Variants in MSRB2 observed in about 807,000 individuals in gnomAD.
MSRB2 encodes methionine-R-sulfoxide reductase B2, mitochondrial.
In MSRB2, 17 loss-of-function variants were observed where a neutral mutation model predicts 19.0. The observed-to-expected ratio is 0.89, with a 90% CI of 0.61 to 1.34. The LOEUF is 1.34. MSRB2 is among the 40% of genes most tolerant of loss of function. The pLI is 0.00. For missense variants in MSRB2, 208 were observed against 237.6 expected (o/e 0.88, Z 0.82); for synonymous variants, 107 against 99.7 (o/e 1.07, Z -0.44).
intron 2 of MSRB2, among the ~76,000 whole-genome samples, chr10:23,105,842 T>C (rs2147940): frequency 0.45 from 67,758 of 152,034 alleles, 15,894 homozygotes; most frequent in African/African-American, 0.61. Flanking sequence ...GCCAGCACAT[T>C]CCAATAAAGT....
At chr10:23,096,352 C>CTCTCTGTGTG (rs144653384) in intron 1 of MSRB2, among the ~76,000 whole-genome samples, 52 of 142,822 alleles carry the variant, frequency 3.6e-4, no homozygotes, top group African/African-American at 1.1e-3. Flanking sequence ...CTCTCTCTCT[C>CTCTCTGTGTG]TGTGTGTGTG....
At chr10:23,109,943 G>T (rs567919515) in intron 2 of MSRB2, among the ~76,000 whole-genome samples, 7 of 152,344 alleles carry the variant, frequency 4.6e-5, no homozygotes, top group African/African-American at 1.4e-4. Flanking sequence ...CAGAGGACAA[G>T]ACTCTGTTTT....
intron 3 of MSRB2, among the ~76,000 whole-genome samples, chr10:23,117,424 T>C (rs1840123543): frequency 6.6e-6 from 1 of 152,232 alleles, no homozygotes; most frequent in Admixed American, 6.5e-5. Context: ...TTGTCTTTTT[T>C]TTAAGCCGGA....
intron 1 of MSRB2, 127 bp downstream of exon 1, chr10:23,095,853 G>GCCCCC (rs1324882583): frequency 3.9e-6 from 2 of 508,450 alleles, no homozygotes; most frequent in African/African-American, 5.0e-5. Flanking sequence ...TCCTCGGCGC[G>GCCCCC]CCCCTCCCCC....
Position 23,104,209 on chromosome 10 carries a change from C to A in MSRB2, c.184C>A (p.Gln62Lys), listed in dbSNP as rs1839960485. 1 of 1,613,838 alleles carries A rather than the reference C, an allele frequency of 6.2e-7. No homozygotes were observed. The highest frequency in any genetic ancestry group is 1.3e-5 in the African/African-American group (1 of 74,916). Residue 62 changes from glutamine to lysine, a missense_variant, in exon 2 of 5, where the codon CAG becomes AAG. Gln to Lys is a moderately conservative substitution (Grantham distance 53, BLOSUM62 1). Transcript: ENST00000376510. ...GTGGCAAAAGAAACTAACCCCGGAG[C>A]AGTTCTACGTCACAAGAGAAAAGGG... is the stretch of plus-strand genomic sequence containing the variant. ...SEWQKKLTPEQFYVTREKGTE... is the reference protein window; with the variant it reads ...SEWQKKLTPEKFYVTREKGTE...
rs539866775 is a variant in MSRB2, at chr10:23,095,839, G to A, written c.118+113G>A. ...AGGCCGGGCGCTGCCCTCCTACTAAGCCCTCCTCGGCGCGCCCCTCCCCCC... is the reference window on the plus strand; with the variant it reads ...AGGCCGGGCGCTGCCCTCCTACTAAACCCTCCTCGGCGCGCCCCTCCCCCC... On this transcript the variant is annotated intron_variant, in intron 1 of 4. Transcript: ENST00000376510. The A allele has an allele frequency of 7.7e-4, 466 of 603,374 alleles. 2 individuals are homozygous for A. In the East Asian group the frequency reaches 0.018, roughly 23 times the overall value. 37.4% of individuals were successfully genotyped at this position (603,374 alleles called of 1,614,324 possible). A position where few individuals can be genotyped will look rare whatever the true frequency, so the allele number is the denominator to read the frequency against.
At chr10:23,096,437 A>G (rs1308660580) in intron 1 of MSRB2, among the ~76,000 whole-genome samples, 1 of 151,218 alleles carries the variant, frequency 6.6e-6, no homozygotes, top group East Asian at 1.9e-4. Flanking sequence ...CCAAGCAGGA[A>G]GGAGTCACCT....
intron 4 of MSRB2, among the ~76,000 whole-genome samples, chr10:23,120,499 A>T (rs1296221750): frequency 6.6e-6 from 1 of 152,244 alleles, no homozygotes; most frequent in African/African-American, 2.4e-5. Flanking sequence ...TATGATAATT[A>T]TCCCCATTTT....
rs1261621124 is a variant in MSRB2, at chr10:23,121,621, A to G, written c.*759A>G. The G allele has an allele frequency of 6.6e-6, 1 of 152,284 alleles. No individual in the cohort carries two copies. Among genetic ancestry groups the G allele is most frequent in the Non-Finnish European group, 1.5e-5 (1 of 68,082 alleles). The allele number at this position is 152,284 out of a possible 1,614,324, so 9.4% of individuals were successfully genotyped here. On this transcript the variant is annotated 3_prime_UTR_variant, in exon 5 of 5. Coordinates refer to ENST00000376510, the MANE Select transcript of MSRB2 (RefSeq NM_012228.4). Reference sequence around the variant, plus strand: ...GAGACGAGGGCATGACTCTGGGAACATCAGGAGGCTGATGGACTATTAAGC... The same window carrying G: ...GAGACGAGGGCATGACTCTGGGAACGTCAGGAGGCTGATGGACTATTAAGC...
At position 23,109,253 on chromosome 10, in the gene MSRB2, TA is replaced by T. The variant is rs562465407; in HGVS notation, c.220-981del. 6.6e-5 allele frequency among the ~76,000 whole-genome samples: 10 copies of T among 151,952 alleles called. No homozygotes were observed. In the East Asian group the frequency reaches 1.4e-3, roughly 21 times the overall value. On this transcript the variant is annotated intron_variant, in intron 2 of 4. Coordinates refer to ENST00000376510, the MANE Select transcript of MSRB2 (RefSeq NM_012228.4). ...AAAGAAATTGGGCAAAAATGGTCTT[TA>T]AAAAAAAGTCATCAGCCGGGTGCAG...
intron 3 of MSRB2, among the ~76,000 whole-genome samples, 159 bp downstream of exon 3, chr10:23,110,477 C>T (rs922146428): frequency 2.8e-4 from 42 of 152,250 alleles, no homozygotes; most frequent in African/African-American, 1.0e-3. Flanking sequence ...GAGAGCTATT[C>T]ATATAAGATA....
chr10:23,103,269 T>C (rs1033648416), intron 1 of MSRB2, among the ~76,000 whole-genome samples: 2 of 152,198 alleles, frequency 1.3e-5, no homozygotes, highest in Non-Finnish European at 2.9e-5. Flanking sequence ...GATATATAGG[T>C]GCTGGCATCA....
At chr10:23,103,450 G>T (rs1292658423) in intron 1 of MSRB2, among the ~76,000 whole-genome samples, 1 of 152,102 alleles carries the variant, frequency 6.6e-6, no homozygotes, top group Non-Finnish European at 1.5e-5. Flanking sequence ...ACTCCCTTTG[G>T]CTAAAGAGAG....
intron 1 of MSRB2, among the ~76,000 whole-genome samples, chr10:23,102,079 A>T (rs34652719): frequency 0.14 from 20,917 of 152,110 alleles, 1,516 homozygotes; most frequent in African/African-American, 0.16. Flanking sequence ...CTATTAGGAA[A>T]AATCTCATAG....
intron 3 of MSRB2, among the ~76,000 whole-genome samples, chr10:23,114,488 C>T (rs1840089486): frequency 6.6e-6 from 1 of 152,140 alleles, no homozygotes; most frequent in South Asian, 2.1e-4. Context: ...CAATAAGGAG[C>T]TATTAAGACC....
intron 2 of MSRB2, 30 bp from the exon 3 acceptor site, chr10:23,110,212 C>G: frequency 6.4e-7 from 1 of 1,569,822 alleles, no homozygotes; most frequent in Non-Finnish European, 8.8e-7. Flanking sequence ...TATGAGAAAT[C>G]TGAACATGAC....
At chr10:23,120,315 G>A (rs77711061) in intron 4 of MSRB2, among the ~76,000 whole-genome samples, 10,307 of 152,266 alleles carry the variant, frequency 0.068, 798 homozygotes, top group African/African-American at 0.19. Context: ...TCTGACTCAT[G>A]GGTTTTGTAA....
chr10:23,102,819 T>C (rs1839939920), intron 1 of MSRB2, among the ~76,000 whole-genome samples: 1 of 152,208 alleles, frequency 6.6e-6, no homozygotes, highest in African/African-American at 2.4e-5. Flanking sequence ...TACTTGACAT[T>C]CTGCGTGATA....
At chr10:23,096,352 C>CTGTGTGTGTGTGTGTGTGTGTGTGTGTG (rs767702970) in intron 1 of MSRB2, among the ~76,000 whole-genome samples, 4,670 of 142,674 alleles carry the variant, frequency 0.033, 114 homozygotes, top group African/African-American at 0.05. Context: ...CTCTCTCTCT[C>CTGTGTGTGTGTGTGTGTGTGTGTGTGTG]TGTGTGTGTG....
Sources: allele counts gnomAD v4.1 joint callset (sites outside exome capture counted in the v4.1 genomes callset), GRCh38; gene constraint gnomAD v4.1.1; transcripts MANE v1.5; gene names NCBI Gene and HGNC (gene_info 2026-07-23, HGNC 2026-07-21).